Variants in CNTNAP2 observed in about 807,000 individuals in gnomAD.
CNTNAP2 encodes contactin-associated protein-like 2.
Under a neutral mutation model 155.2 loss-of-function variants are expected in CNTNAP2, and 98 were observed. The observed-to-expected ratio is 0.63, with a 90% CI of 0.54 to 0.75. The LOEUF (loss-of-function observed/expected upper bound fraction) is 0.75. Ranked by LOEUF, CNTNAP2 falls within the 30% of genes least tolerant of loss-of-function variation. The pLI, the probability that CNTNAP2 is intolerant of heterozygous loss-of-function variation, is 0.00. For missense variants in CNTNAP2, 1,727 were observed against 1,688.1 expected (o/e 1.02, Z -0.40); for synonymous variants, 651 against 631.2 (o/e 1.03, Z -0.47).
At chr7:147,005,544 A>G (rs1264818526) in intron 3 of CNTNAP2, among the ~76,000 whole-genome samples, 1 of 152,082 alleles carries the variant, frequency 6.6e-6, no homozygotes, top group African/African-American at 2.4e-5. Context: ...AGTCAAAGAC[A>G]TGGCTTAGAG....
chr7:146,843,684 G>A (rs1803787982), intron 3 of CNTNAP2, among the ~76,000 whole-genome samples: 1 of 151,158 alleles, frequency 6.6e-6, no homozygotes, highest in South Asian at 2.1e-4. Context: ...AATATTTTAG[G>A]GCTACGTCTT....
chr7:147,522,092 A>G (rs1799238483), intron 11 of CNTNAP2, among the ~76,000 whole-genome samples: 1 of 152,224 alleles, frequency 6.6e-6, no homozygotes, highest in East Asian at 1.9e-4. Flanking sequence ...AAGTGTGCTC[A>G]TGTAGCAGAA....
chr7:148,078,621 C>T (rs1305919628), intron 15 of CNTNAP2, among the ~76,000 whole-genome samples: 2 of 152,068 alleles, frequency 1.3e-5, no homozygotes, highest in Non-Finnish European at 2.9e-5. Context: ...GTTGGGATTA[C>T]AGGTGCCCAC....
chr7:147,634,842 A>G (rs2116916166), intron 12 of CNTNAP2, among the ~76,000 whole-genome samples: 1 of 152,232 alleles, frequency 6.6e-6, no homozygotes, highest in African/African-American at 2.4e-5. Flanking sequence ...ATCTCTTACT[A>G]TGACACAGCA....
At chr7:147,293,718 G>T (rs1250931319) in intron 8 of CNTNAP2, among the ~76,000 whole-genome samples, 4 of 151,908 alleles carry the variant, frequency 2.6e-5, no homozygotes. Flanking sequence ...TCTAATAAGA[G>T]CAACATCTGT....
intron 1 of CNTNAP2, among the ~76,000 whole-genome samples, chr7:146,345,739 C>CA: frequency 6.6e-6 from 1 of 151,860 alleles, no homozygotes; most frequent in East Asian, 1.9e-4. Context: ...GCTTTGTGTC[C>CA]AAAAAAGAAA....
intron 15 of CNTNAP2, among the ~76,000 whole-genome samples, chr7:148,040,245 G>T (rs1563177598): frequency 6.6e-6 from 1 of 152,160 alleles, no homozygotes; most frequent in African/African-American, 2.4e-5. Flanking sequence ...ATAAGCAAAA[G>T]CATTAAAATG....
intron 14 of CNTNAP2, among the ~76,000 whole-genome samples, chr7:147,936,023 AC>A (rs1800600435): frequency 3.1e-5 from 1 of 32,062 alleles, no homozygotes; most frequent in African/African-American, 4.9e-5. Context: ...TAAAAGCTCA[AC>A]TTAAAAGTGT....
rs1026068222 is a variant in CNTNAP2 at position 146,786,795 on chromosome 7, T to G, written c.208+12414T>G. ...GTAAGGAATTCATGTTGCTTTTATTTTGCTTGGTTTTCATTCTCAGCAACT... is the reference window on the plus strand; with the variant it reads ...GTAAGGAATTCATGTTGCTTTTATTGTGCTTGGTTTTCATTCTCAGCAACT... On this transcript the variant is annotated intron_variant, in intron 2 of 23. Transcript: ENST00000361727. 4 of 152,230 alleles carry G rather than the reference T, an allele frequency of 2.6e-5. No individual in the cohort carries two copies. The East Asian group carries it at 7.7e-4, about 29-fold the overall frequency. The allele number at this position is 152,230 out of a possible 1,614,324, so 9.4% of individuals were successfully genotyped here. A position where few individuals can be genotyped will look rare whatever the true frequency, so the allele number is the denominator to read the frequency against.
At chr7:146,330,611 T>A (rs1281775326) in intron 1 of CNTNAP2, among the ~76,000 whole-genome samples, 1 of 152,142 alleles carries the variant, frequency 6.6e-6, no homozygotes, top group Non-Finnish European at 1.5e-5. Flanking sequence ...CATACTTCAA[T>A]GAAGGGAGAA....
At chr7:147,315,700 T>G (rs989404635) in intron 9 of CNTNAP2, among the ~76,000 whole-genome samples, 3 of 152,046 alleles carry the variant, frequency 2.0e-5, no homozygotes, top group Middle Eastern at 3.2e-3. Flanking sequence ...CATGATGGTC[T>G]CGATCTCCTG....
In CNTNAP2 at chr7:148,415,802, A is replaced by G. The variant is rs1056298002; in HGVS notation, c.*186A>G. 4 of 664,578 alleles carry G rather than the reference A, an allele frequency of 6.0e-6. No homozygotes were observed. Among genetic ancestry groups the G allele is most frequent in the Non-Finnish European group, 1.0e-5 (4 of 395,302 alleles). 41.2% of individuals were successfully genotyped at this position (664,578 alleles called of 1,614,324 possible). ...TCACAAAAAAAAAAACCTTTTTAAT[A>G]TTTCTTTATAGCTGAGTTTTCCCTT... is the stretch of plus-strand genomic sequence containing the variant. On this transcript the variant is annotated 3_prime_UTR_variant, in exon 24 of 24. Coordinates refer to ENST00000361727, the MANE Select transcript of CNTNAP2 (RefSeq NM_014141.6).
intron 4 of CNTNAP2, among the ~76,000 whole-genome samples, chr7:147,054,896 A>G (rs1033419546): frequency 6.6e-6 from 1 of 152,158 alleles, no homozygotes; most frequent in Non-Finnish European, 1.5e-5. Flanking sequence ...TGAGATTTTT[A>G]TATTTTCTAT....
intron 2 of CNTNAP2, among the ~76,000 whole-genome samples, chr7:146,816,714 T>A (rs1803177995): frequency 6.6e-6 from 1 of 152,314 alleles, no homozygotes; most frequent in South Asian, 2.1e-4. Flanking sequence ...AGCTTTGTAG[T>A]TGCTAACTGG....
intron 1 of CNTNAP2, among the ~76,000 whole-genome samples, chr7:146,335,416 C>T (rs529689630): frequency 1.6e-4 from 24 of 152,244 alleles, no homozygotes; most frequent in East Asian, 7.7e-4. Flanking sequence ...ATTGAGCTGA[C>T]GACCAAATTC....
chr7:146,434,510 T>G (rs1315961012), intron 1 of CNTNAP2, among the ~76,000 whole-genome samples: 1 of 152,158 alleles, frequency 6.6e-6, no homozygotes, highest in Non-Finnish European at 1.5e-5. Context: ...TTTATGTGAA[T>G]AATCTAAGTT....
At chr7:147,616,554 T>G (rs1326814983) in intron 12 of CNTNAP2, among the ~76,000 whole-genome samples, 1 of 152,186 alleles carries the variant, frequency 6.6e-6, no homozygotes, top group Non-Finnish European at 1.5e-5. Context: ...CCATTTGCCA[T>G]TAGTTCATCT....
chr7:148,028,495 G>C (rs1471996982), intron 15 of CNTNAP2, among the ~76,000 whole-genome samples: 3 of 152,182 alleles, frequency 2.0e-5, no homozygotes, highest in Non-Finnish European at 4.4e-5. Context: ...AGGATCACTT[G>C]AGTCCGGGAG....
chr7:147,652,739 A>G (rs1003260022), intron 13 of CNTNAP2, among the ~76,000 whole-genome samples: 54 of 152,290 alleles, frequency 3.5e-4, no homozygotes, highest in African/African-American at 1.1e-3. Context: ...GAAGAAAGGA[A>G]AGAGAAAGAA....
Sources: gnomAD v4.1 joint callset for allele counts (sites outside exome capture counted in the v4.1 genomes callset) on GRCh38, gnomAD v4.1.1 for gene constraint, MANE v1.5 for transcripts, NCBI Gene and HGNC (gene_info 2026-07-23, HGNC 2026-07-21) for gene names.